MDGA2: variants seen among roughly 807,000 people sequenced by gnomAD.
MDGA2 encodes the protein MAM domain containing glycosylphosphatidylinositol anchor 2.
MDGA2 carries 40 observed loss-of-function variants against 117.8 expected under a neutral mutation model. That is an observed-to-expected ratio of 0.34 (90% CI 0.26 to 0.44). MDGA2 has a LOEUF of 0.44. Among genes scored for constraint, MDGA2 ranks in the 20% least tolerant of loss-of-function variants. The pLI is 1.00. For missense variants in MDGA2, 1,123 were observed against 1,250.6 expected (o/e 0.90, Z 1.54); for synonymous variants, 452 against 439.0 (o/e 1.03, Z -0.37).
intron 6 of MDGA2, among the ~76,000 whole-genome samples, chr14:47,088,773 A>G (rs1212649287): frequency 6.6e-6 from 1 of 152,170 alleles, no homozygotes; most frequent in African/African-American, 2.4e-5. Context: ...GATATTTTGT[A>G]TCTTTGTCTT....
At chr14:46,891,845 A>G (rs1049843363) in intron 10 of MDGA2, among the ~76,000 whole-genome samples, 4 of 151,460 alleles carry the variant, frequency 2.6e-5, no homozygotes, top group African/African-American at 9.7e-5. Flanking sequence ...AATAAATATC[A>G]TAATAAATAT....
chr14:46,955,422 T>C (rs937907716), intron 9 of MDGA2, among the ~76,000 whole-genome samples: 2 of 152,068 alleles, frequency 1.3e-5, no homozygotes, highest in South Asian at 4.1e-4. Context: ...ATAAAATATA[T>C]GCAAATGCAA....
chr14:47,581,533 G>A (rs935785989), intron 1 of MDGA2, among the ~76,000 whole-genome samples: 2 of 152,068 alleles, frequency 1.3e-5, no homozygotes, highest in Non-Finnish European at 2.9e-5. Flanking sequence ...TATGAAATAC[G>A]TACAGTGCAT....
chr14:47,343,924 A>G (rs17741458), intron 1 of MDGA2, among the ~76,000 whole-genome samples: 25,795 of 152,156 alleles, frequency 0.17, 2,593 homozygotes, highest in South Asian at 0.34. Flanking sequence ...CAATTCAACA[A>G]CGGAATCTAC....
rs57534737 is a variant in MDGA2, at chr14:47,038,949, C to CA, written c.1526-3646dup. Among the ~76,000 whole-genome samples, 863 of 112,652 alleles carry CA rather than the reference C, an allele frequency of 7.7e-3. 2 individuals carry two copies. Among genetic ancestry groups the CA allele is most frequent in the South Asian group, 0.02 (72 of 3,528 alleles). The allele number at this position is 112,652 out of a possible 152,430, so 73.9% of individuals were successfully genotyped here. A position where few individuals can be genotyped will look rare whatever the true frequency, so the allele number is the denominator to read the frequency against. ...TGGGCAACGGAGTGAGACTCCATCT[C>CA]AAAAAAAAAAAAAAATAGATTTTAA... On this transcript the variant is annotated intron_variant, in intron 7 of 16. Coordinates refer to ENST00000399232, the MANE Select transcript of MDGA2 (RefSeq NM_001113498.3).
chr14:47,105,251 C>G (rs969585668), intron 5 of MDGA2, among the ~76,000 whole-genome samples: 1 of 152,042 alleles, frequency 6.6e-6, no homozygotes, highest in African/African-American at 2.4e-5. Context: ...TATTTCCGCA[C>G]CCCAACCTCT....
intron 1 of MDGA2, among the ~76,000 whole-genome samples, chr14:47,373,107 T>C (rs1302539090): frequency 6.6e-6 from 1 of 152,088 alleles, no homozygotes; most frequent in Non-Finnish European, 1.5e-5. Flanking sequence ...TCAAGAACAG[T>C]ATAGAATATG....
chr14:47,147,962 G>T (rs558736029), intron 3 of MDGA2, among the ~76,000 whole-genome samples: 165 of 152,258 alleles, frequency 1.1e-3, no homozygotes, highest in African/African-American at 3.8e-3. Context: ...AACCAAGGCT[G>T]ATGTACTTGT....
At chr14:47,632,523 C>T (rs558991130) in intron 1 of MDGA2, among the ~76,000 whole-genome samples, 1 of 152,258 alleles carries the variant, frequency 6.6e-6, no homozygotes, top group East Asian at 1.9e-4. Context: ...TGTAAAAGGT[C>T]ATGTTTCTTA....
At chr14:46,995,241 A>G (rs1332521423) in intron 8 of MDGA2, among the ~76,000 whole-genome samples, 1 of 152,144 alleles carries the variant, frequency 6.6e-6, no homozygotes, top group Admixed American at 6.6e-5. Context: ...ATCAATGTCC[A>G]TTAGAACCAA....
intron 1 of MDGA2, among the ~76,000 whole-genome samples, chr14:47,449,818 GCAAAAACAAAAA>G (rs957035365): frequency 6.6e-6 from 1 of 151,924 alleles, no homozygotes; most frequent in Admixed American, 6.6e-5. Flanking sequence ...GCTTTCTTAT[GCAAAAACAAAAA>G]CAAAAACAAA....
chr14:47,642,638 G>T (rs995798199), intron 1 of MDGA2, among the ~76,000 whole-genome samples: 1 of 150,886 alleles, frequency 6.6e-6, no homozygotes, highest in Non-Finnish European at 1.5e-5. Context: ...AATTCTACCA[G>T]CCCTATCTAT....
intron 1 of MDGA2, among the ~76,000 whole-genome samples, chr14:47,400,148 T>G (rs922328527): frequency 3.9e-5 from 6 of 152,190 alleles, no homozygotes; most frequent in African/African-American, 1.4e-4. Context: ...GAAATTATAC[T>G]GCAGCACGCA....
intron 8 of MDGA2, among the ~76,000 whole-genome samples, chr14:47,012,429 C>T (rs564379540): frequency 3.3e-5 from 5 of 151,992 alleles, no homozygotes; most frequent in Non-Finnish European, 7.4e-5. Flanking sequence ...ACTGAACTGT[C>T]TATAACAGAA....
chr14:47,642,113 A>G (rs973209118), intron 1 of MDGA2, among the ~76,000 whole-genome samples: 1 of 152,068 alleles, frequency 6.6e-6, no homozygotes, highest in Non-Finnish European at 1.5e-5. Context: ...TTGCTCTTAC[A>G]GATGTGAACT....
At chr14:47,326,946 G>T (rs1443096775) in intron 1 of MDGA2, among the ~76,000 whole-genome samples, 3 of 152,160 alleles carry the variant, frequency 2.0e-5, no homozygotes, top group African/African-American at 7.2e-5. Context: ...TGATTGAAGA[G>T]ATATTAACAA....
At chr14:47,295,927 TGATAAGATAGATAGATA>T (rs1343780399) in intron 2 of MDGA2, among the ~76,000 whole-genome samples, 129 of 135,330 alleles carry the variant, frequency 9.5e-4, no homozygotes, top group African/African-American at 3.2e-3. Context: ...TATAGATAGA[TGATAAGATAGATAGATA>T]GATAGATAGA....
At chr14:47,307,684 TG>T (rs397853293) in intron 1 of MDGA2, among the ~76,000 whole-genome samples, 202 of 150,566 alleles carry the variant, frequency 1.3e-3, no homozygotes, top group Middle Eastern at 3.4e-3. Context: ...AGATACTCTG[TG>T]GGGGGGAAAA....
At chr14:47,023,727 A>G (rs1312594433) in intron 8 of MDGA2, among the ~76,000 whole-genome samples, 2 of 152,184 alleles carry the variant, frequency 1.3e-5, no homozygotes, top group Non-Finnish European at 2.9e-5. Flanking sequence ...GAATTACTAT[A>G]CTTTTAATTT....
Sources: allele counts gnomAD v4.1 joint callset (sites outside exome capture counted in the v4.1 genomes callset), GRCh38; gene constraint gnomAD v4.1.1; transcripts MANE v1.5; gene names NCBI Gene and HGNC (gene_info 2026-07-23, HGNC 2026-07-21).